The following FBXO33 variants were observed in gnomAD, a reference collection of about 807,000 sequenced individuals.
FBXO33 encodes F-box only protein 33.
A neutral mutation model predicts 46.3 loss-of-function variants in FBXO33; 22 were observed. The observed-to-expected ratio is 0.48, with a 90% CI of 0.34 to 0.68. The LOEUF (loss-of-function observed/expected upper bound fraction) is 0.68. Among genes scored for constraint, FBXO33 ranks in the 30% least tolerant of loss-of-function variants. FBXO33 has a pLI of 0.01. For missense variants in FBXO33, 692 were observed against 708.8 expected (o/e 0.98, Z 0.27); for synonymous variants, 337 against 291.3 (o/e 1.16, Z -1.60).
chr14:39,410,719 G>C (rs1388148005), intron 1 of FBXO33, among the ~76,000 whole-genome samples: 1 of 152,132 alleles, frequency 6.6e-6, no homozygotes, highest in Admixed American at 6.5e-5. Context: ...CTATTGGTCT[G>C]ATGGTATTTT....
chr14:39,401,436 A>G lies in FBXO33; in HGVS notation c.1136T>C (p.Ile379Thr), dbSNP rs1300161374. ...AATCTTTAACATATCTTCACTCTTG[A>G]TATCAAAAGCCATTATATAGACCCG... Reference protein sequence around the residue: ...SFRVYIMAFDIKSEDMLKILK... With the variant: ...SFRVYIMAFDTKSEDMLKILK... Residue 379 changes from isoleucine (I) to threonine (T), a missense_variant, in exon 3 of 4, where the codon ATC becomes ACC. By Grantham distance (89) the Ile-to-Thr change is moderately conservative (BLOSUM62 -1). Around this residue, in one of 3 missense-constraint regions of FBXO33, gnomAD observed 186 missense variants for 246.1 expected, o/e 0.76. Transcript: ENST00000298097. 9 of 1,614,060 alleles carry G rather than the reference A, an allele frequency of 5.6e-6. No individual in the cohort carries two copies. The highest frequency in any genetic ancestry group is 7.6e-6 in the Non-Finnish European group (9 of 1,180,040).
rs1356715741 is a variant in FBXO33, at chr14:39,432,055, T to TCGCAGCTGCTGCAGC, written c.93_107dup (p.Leu32_Arg36dup). On this transcript the variant is annotated inframe_insertion, in exon 1 of 4. Coordinates refer to ENST00000298097, the MANE Select transcript of FBXO33 (RefSeq NM_203301.4). ...GTACCCGGAGCAGCCCCCGCAGCCG[T>TCGCAGCTGCTGCAGC]CGCAGCTGCTGCAGCCGCAGCCGCC... 8.2e-6 allele frequency: 10 copies of TCGCAGCTGCTGCAGC among 1,221,072 alleles called. No individual in the cohort carries two copies. The African/African-American group carries it at 1.4e-4, about 17-fold the overall frequency. 75.6% of individuals were successfully genotyped at this position (1,221,072 alleles called of 1,614,324 possible).
chr14:39,428,196 T>C (rs1474345801), intron 1 of FBXO33, among the ~76,000 whole-genome samples: 2 of 152,176 alleles, frequency 1.3e-5, no homozygotes, highest in African/African-American at 2.4e-5. Context: ...TGTTACAATA[T>C]GCATTCTTTT....
intron 1 of FBXO33, among the ~76,000 whole-genome samples, chr14:39,420,542 C>G (rs1279767508): frequency 6.6e-6 from 1 of 152,044 alleles, no homozygotes; most frequent in Non-Finnish European, 1.5e-5. Flanking sequence ...AAAAAATTAG[C>G]CAGGCGTGGT....
intron 1 of FBXO33, among the ~76,000 whole-genome samples, chr14:39,427,031 C>T (rs1429065024): frequency 6.6e-6 from 1 of 152,188 alleles, no homozygotes; most frequent in Non-Finnish European, 1.5e-5. Flanking sequence ...TTTTCTATAA[C>T]TATCATTTTA....
At position 39,399,390 on chromosome 14, in the gene FBXO33, A is replaced by G; in HGVS notation, c.*126T>C. On this transcript the variant is annotated 3_prime_UTR_variant, in exon 4 of 4. Transcript: ENST00000298097. ...TTTGATCAAGAAGTAGAATATACATATATAATTCTATAAAGCTAATACTGA... is the reference window on the plus strand; with the variant it reads ...TTTGATCAAGAAGTAGAATATACATGTATAATTCTATAAAGCTAATACTGA... The G allele has an allele frequency of 2.4e-6, 2 of 829,444 alleles. No homozygotes were observed. Among genetic ancestry groups the G allele is most frequent in the Non-Finnish European group, 3.6e-6 (2 of 548,028 alleles). The allele number at this position is 829,444 out of a possible 1,614,324, so 51.4% of individuals were successfully genotyped here. A position where few individuals can be genotyped will look rare whatever the true frequency, so the allele number is the denominator to read the frequency against.
At chr14:39,408,999 G>A (rs1245839416) in intron 1 of FBXO33, among the ~76,000 whole-genome samples, 2 of 151,674 alleles carry the variant, frequency 1.3e-5, no homozygotes, top group African/African-American at 2.4e-5. Flanking sequence ...CTGGTCTCGA[G>A]CTCCTGGGCT....
At chr14:39,421,661 A>C (rs1255911658) in intron 1 of FBXO33, among the ~76,000 whole-genome samples, 1 of 152,172 alleles carries the variant, frequency 6.6e-6, no homozygotes, top group Non-Finnish European at 1.5e-5. Context: ...AAATTTATAT[A>C]ACATGATATG....
intron 1 of FBXO33, among the ~76,000 whole-genome samples, chr14:39,413,847 T>C (rs1348410585): frequency 6.6e-6 from 1 of 152,224 alleles, no homozygotes; most frequent in Non-Finnish European, 1.5e-5. Flanking sequence ...TAAATCATGC[T>C]GTATACAGAT....
intron 1 of FBXO33, among the ~76,000 whole-genome samples, chr14:39,422,953 C>A (rs59337169): frequency 1.3e-5 from 2 of 152,054 alleles, no homozygotes; most frequent in African/African-American, 4.8e-5. Context: ...GAAACCCTGT[C>A]TCTACTAAAA....
intron 1 of FBXO33, among the ~76,000 whole-genome samples, chr14:39,418,012 C>T (rs2075457653): frequency 6.6e-6 from 1 of 152,016 alleles, no homozygotes; most frequent in Admixed American, 6.6e-5. Context: ...TCACATTTTA[C>T]CCAGTGATCA....
chr14:39,416,992 C>G (rs2139413217), intron 1 of FBXO33, among the ~76,000 whole-genome samples: 1 of 152,214 alleles, frequency 6.6e-6, no homozygotes, highest in South Asian at 2.1e-4. Context: ...TAGAGGGTAC[C>G]CACTCATTTC....
chr14:39,407,695 T>G (rs1421155787), intron 1 of FBXO33, among the ~76,000 whole-genome samples: 2 of 152,222 alleles, frequency 1.3e-5, no homozygotes, highest in Non-Finnish European at 2.9e-5. Flanking sequence ...TTTATGCATC[T>G]TTTGATGGAC....
rs1035252794 is a variant in FBXO33, at chr14:39,431,442, C to T, written c.599+122G>A. 1.6e-5 allele frequency: 24 copies of T among 1,513,492 alleles called. No individual in the cohort carries two copies. The African/African-American group carries it at 2.6e-4, about 16-fold the overall frequency. 93.8% of individuals were successfully genotyped at this position (1,513,492 alleles called of 1,614,324 possible). ...CCGCCTAGTTAGAACCAACACTCTC[C>T]GTCACTGAGGAAGGCAACACTGAAG... On this transcript the variant is annotated intron_variant, in intron 1 of 3. Coordinates refer to ENST00000298097, the MANE Select transcript of FBXO33 (RefSeq NM_203301.4).
rs149398213 is a variant in FBXO33 at position 39,431,710 on chromosome 14, G to A, written c.453C>T (p.Gly151=). The change falls in exon 1 of 4, where the codon GGC becomes GGT. Residue 151 remains glycine, a synonymous_variant. Coordinates refer to ENST00000298097, the MANE Select transcript of FBXO33 (RefSeq NM_203301.4). ...VEFAAENYLS[G]GGPGDGGGAD... ...CGCCACCTCCGTCCCCTGGGCCACC[G>A]CCGCTCAGATAGTTCTCGGCGGCGA... is the stretch of plus-strand genomic sequence containing the variant. 26 of 1,613,246 alleles carry A rather than the reference G, an allele frequency of 1.6e-5. No individual in the cohort carries two copies. In the African/African-American group the frequency reaches 2.0e-4, roughly 12 times the overall value.
chr14:39,398,478 T>TTTTTG lies in FBXO33; in HGVS notation c.*1037_*1038insCAAAA, dbSNP rs2075353887. The TTTTTG allele has an allele frequency of 6.6e-6, 1 of 151,196 alleles. No individual in the cohort carries two copies. Among genetic ancestry groups the TTTTTG allele is most frequent in the African/African-American group, 2.4e-5 (1 of 41,142 alleles). The allele number at this position is 151,196 out of a possible 1,614,324, so 9.4% of individuals were successfully genotyped here. ...TGTTTTTTTTTTCTTTTTTTTTTTT[T>TTTTTG]TTTGTTTTGTTTTTTCAGAGTTCTG... On this transcript the variant is annotated 3_prime_UTR_variant, in exon 4 of 4. Coordinates refer to ENST00000298097, the MANE Select transcript of FBXO33 (RefSeq NM_203301.4).
chr14:39,405,533 A>G (rs1042066438), intron 1 of FBXO33, among the ~76,000 whole-genome samples: 1 of 152,130 alleles, frequency 6.6e-6, no homozygotes, highest in African/African-American at 2.4e-5. Flanking sequence ...GTAAACAATG[A>G]GCACTATTTT....
chr14:39,431,967 C>G lies in FBXO33; in HGVS notation c.196G>C (p.Ala66Pro). 1 of 1,526,722 alleles carries G rather than the reference C, an allele frequency of 6.5e-7. No homozygotes were observed. Among genetic ancestry groups the G allele is most frequent in the Non-Finnish European group, 8.7e-7 (1 of 1,143,102 alleles). 94.6% of individuals were successfully genotyped at this position (1,526,722 alleles called of 1,614,324 possible). The change falls in exon 1 of 4, where the codon GCG becomes CCG. Residue 66 changes from alanine (A) to proline (P), a missense_variant. Ala to Pro is a conservative substitution (Grantham distance 27). Coordinates refer to ENST00000298097, the MANE Select transcript of FBXO33 (RefSeq NM_203301.4). The stretch of plus-strand genomic sequence containing the variant: ...TCGCTGGGCAGCGACGCAGCGCCCG[C>G]CGCCTGCCCGCACAGAGCCATCCGG... ...RGRMALCGQA[A>P]GAASLPSELI...
In FBXO33 at chr14:39,399,706, T is replaced by C. The variant is rs2075359958; in HGVS notation, c.1478A>G (p.Glu493Gly). 1 of 1,613,978 alleles carries C rather than the reference T, an allele frequency of 6.2e-7. No homozygotes were observed. Among genetic ancestry groups the C allele is most frequent in the African/African-American group, 1.3e-5 (1 of 74,938 alleles). ...SDLKVLEVTE[E>G]SIDFDQGELA... is the part of the protein sequence containing the mutation. Reference sequence around the variant, plus strand: ...TTCACCTTGGTCAAAATCAATGCTTTCTTCGGTGACTTCAAGCACTTTCAG... The same window carrying C: ...TTCACCTTGGTCAAAATCAATGCTTCCTTCGGTGACTTCAAGCACTTTCAG... The change falls in exon 4 of 4, where the codon GAA becomes GGA. Residue 493 changes from glutamate to glycine, a missense_variant. Coordinates refer to ENST00000298097, the MANE Select transcript of FBXO33 (RefSeq NM_203301.4).
Sources: allele counts gnomAD v4.1 joint callset (sites outside exome capture counted in the v4.1 genomes callset), GRCh38; gene constraint gnomAD v4.1.1; regional missense constraint gnomAD v4.1.1; transcripts MANE v1.5; gene names NCBI Gene and HGNC (gene_info 2026-07-23, HGNC 2026-07-21).